SYN3: variants seen among roughly 807,000 people sequenced by gnomAD.
The protein encoded by SYN3 is synapsin-3.
A neutral mutation model predicts 65.8 loss-of-function variants in SYN3; 35 were observed. The observed-to-expected ratio is 0.53, with a 90% confidence interval of 0.41 to 0.70. The LOEUF is 0.70. Ranked by LOEUF, SYN3 falls within the 30% of genes least tolerant of loss-of-function variation. The pLI is 0.00. For missense variants in SYN3, 680 were observed against 749.0 expected (o/e 0.91, Z 1.08); for synonymous variants, 270 against 292.9 (o/e 0.92, Z 0.80).
At chr22:32,632,646 T>A (rs1193271170) in intron 6 of SYN3, among the ~76,000 whole-genome samples, 1 of 152,184 alleles carries the variant, frequency 6.6e-6, no homozygotes, top group African/African-American at 2.4e-5. Flanking sequence ...GGCAGGAAGC[T>A]AGGGGCAGAG....
At chr22:32,671,564 T>C (rs1404923339) in intron 6 of SYN3, among the ~76,000 whole-genome samples, 1 of 120,112 alleles carries the variant, frequency 8.3e-6, no homozygotes, top group East Asian at 2.2e-4. Flanking sequence ...CACACACACA[T>C]GCTCTCAAAC....
chr22:32,800,725 G>A (rs1397779856), intron 6 of SYN3, among the ~76,000 whole-genome samples: 2 of 152,154 alleles, frequency 1.3e-5, no homozygotes, highest in East Asian at 3.9e-4. Context: ...CCATGGGCAG[G>A]GAACCACTTC....
chr22:32,534,582 C>T (rs762909), intron 9 of SYN3, among the ~76,000 whole-genome samples: 110,401 of 152,090 alleles, frequency 0.73, 40,229 homozygotes, highest in East Asian at 0.91. Flanking sequence ...GCACTGGACT[C>T]TGACCCTGCA....
intron 4 of SYN3, among the ~76,000 whole-genome samples, chr22:32,901,854 G>A (rs1240558690): frequency 1.3e-5 from 2 of 152,236 alleles, no homozygotes; most frequent in African/African-American, 4.8e-5. Context: ...GCCTTACGAT[G>A]TCAACCAATC....
chr22:32,912,920 C>T (rs1234851762), intron 4 of SYN3, among the ~76,000 whole-genome samples: 5 of 152,074 alleles, frequency 3.3e-5, no homozygotes, highest in Non-Finnish European at 7.3e-5. Flanking sequence ...ATGGTAGATA[C>T]ATGTCACACA....
At chr22:33,018,742 A>T (rs1169056661) in intron 1 of SYN3, among the ~76,000 whole-genome samples, 1 of 152,168 alleles carries the variant, frequency 6.6e-6, no homozygotes, top group African/African-American at 2.4e-5. Context: ...TGGGTGACTC[A>T]TTGACACCCC....
At chr22:32,692,177 C>CAAAAAAAAAAAAAAAAAAAAA (rs2060673135) in intron 6 of SYN3, among the ~76,000 whole-genome samples, 6 of 65,970 alleles carry the variant, frequency 9.1e-5, no homozygotes, top group South Asian at 6.1e-4. Flanking sequence ...AAAAAAAAAA[C>CAAAAAAAAAAAAAAAAAAAAA]AGGACGGTCT....
At chr22:32,745,770 AG>A (rs1291992009) in intron 6 of SYN3, among the ~76,000 whole-genome samples, 1 of 152,178 alleles carries the variant, frequency 6.6e-6, no homozygotes, top group African/African-American at 2.4e-5. Context: ...AAGAGGCAGA[AG>A]GGAGAAAAAA....
intron 6 of SYN3, among the ~76,000 whole-genome samples, chr22:32,848,481 T>C (rs1226596372): frequency 6.6e-6 from 1 of 152,188 alleles, no homozygotes; most frequent in Non-Finnish European, 1.5e-5. Flanking sequence ...GTAAGACAGT[T>C]AAGAGCAGTA....
At chr22:32,882,582 G>A (rs1417736441) in intron 4 of SYN3, among the ~76,000 whole-genome samples, 1 of 152,142 alleles carries the variant, frequency 6.6e-6, no homozygotes, top group African/African-American at 2.4e-5. Context: ...GGCACAGAGA[G>A]GACAAGCAGC....
chr22:32,656,572 T>C (rs1483965523), intron 6 of SYN3, among the ~76,000 whole-genome samples: 3 of 152,186 alleles, frequency 2.0e-5, no homozygotes, highest in Admixed American at 1.3e-4. Flanking sequence ...AGCGGATCGA[T>C]AGTCAATGTT....
rs199613520 is a variant in SYN3, at chr22:33,040,024, CT to C, written c.-163+18267del. ...TTCTTAGATGTCTCTAGATTATACA[CT>C]TTTTTTTTCTTTTTTTTTTTGAGAT... On this transcript the variant is annotated intron_variant, in intron 1 of 13. Coordinates refer to ENST00000358763, the MANE Select transcript of SYN3 (RefSeq NM_003490.4). 5.6e-3 allele frequency among the ~76,000 whole-genome samples: 831 copies of C among 147,638 alleles called. 8 individuals carry two copies. The highest frequency in any genetic ancestry group is 0.021 in the African/African-American group (790 of 38,374).
At position 33,006,789 on chromosome 22, in the gene SYN3, A is replaced by C; in HGVS notation, c.-127T>G. 2 of 917,338 alleles carry C rather than the reference A, an allele frequency of 2.2e-6. No individual in the cohort carries two copies. The highest frequency in any genetic ancestry group is 4.1e-5 in the South Asian group (2 of 49,246). 56.8% of individuals were successfully genotyped at this position (917,338 alleles called of 1,614,324 possible). On this transcript the variant is annotated 5_prime_UTR_variant, in exon 2 of 14. Coordinates refer to ENST00000358763, the MANE Select transcript of SYN3 (RefSeq NM_003490.4). ...CAGAAGAGCCAGGGGGATTTTGCGC[A>C]ACCAGCAGTCAGCTTTAGCTGCCTT...
rs527692161 is a variant in SYN3, at chr22:32,956,191, T to C, written c.369+24454A>G. On this transcript the variant is annotated intron_variant, in intron 3 of 13. Coordinates refer to ENST00000358763, the MANE Select transcript of SYN3 (RefSeq NM_003490.4). Reference sequence around the variant, plus strand: ...TTTTTTTTGAGACAGAGTCTTGTTCTGTCGCCCAGGCCAGAATGCAGAGGC... The same window carrying C: ...TTTTTTTTGAGACAGAGTCTTGTTCCGTCGCCCAGGCCAGAATGCAGAGGC... Among the ~76,000 whole-genome samples, 532 of 132,982 alleles carry C rather than the reference T, an allele frequency of 4.0e-3. 3 individuals are homozygous for C. The highest frequency in any genetic ancestry group is 0.015 in the African/African-American group (511 of 35,050). The allele number at this position is 132,982 out of a possible 152,430, so 87.2% of individuals were successfully genotyped here. A position where few individuals can be genotyped will look rare whatever the true frequency, so the allele number is the denominator to read the frequency against.
intron 6 of SYN3, among the ~76,000 whole-genome samples, chr22:32,846,302 C>T (rs2048060724): frequency 6.6e-6 from 1 of 152,224 alleles, no homozygotes; most frequent in African/African-American, 2.4e-5. Context: ...TGTGCTTCTC[C>T]ACCTCTCCCT....
chr22:33,041,064 G>C (rs143429031), intron 1 of SYN3, among the ~76,000 whole-genome samples: 1 of 151,452 alleles, frequency 6.6e-6, no homozygotes, highest in Non-Finnish European at 1.5e-5. Flanking sequence ...ACAGGCATGC[G>C]CCACCATCCC....
At chr22:33,047,113 A>G (rs1217023969) in intron 1 of SYN3, among the ~76,000 whole-genome samples, 1 of 152,172 alleles carries the variant, frequency 6.6e-6, no homozygotes, top group Non-Finnish European at 1.5e-5. Context: ...AATAGTATCT[A>G]TAATAGTATT....
At chr22:32,784,923 C>T (rs2046154236) in intron 6 of SYN3, 1 of 152,196 alleles carries the variant, frequency 6.6e-6, no homozygotes, top group South Asian at 2.1e-4. Flanking sequence ...CAACTGTGCA[C>T]AAAGCACTGG....
Position 32,797,922 on chromosome 22 carries a change from C to T in SYN3, c.711+66993G>A, listed in dbSNP as rs189440555. On this transcript the variant is annotated intron_variant, in intron 6 of 13. Transcript: ENST00000358763. The stretch of plus-strand genomic sequence containing the variant: ...TTCATCCAATAAACACAGAAGTGGA[C>T]GCCTGGACAGGCAAAGTGACTTGAC... 1.9e-4 allele frequency among the ~76,000 whole-genome samples: 29 copies of T among 152,320 alleles called. No homozygotes were observed. In the East Asian group the frequency reaches 4.6e-3, roughly 24 times the overall value.
Sources: allele counts gnomAD v4.1 joint callset (sites outside exome capture counted in the v4.1 genomes callset), GRCh38; gene constraint gnomAD v4.1.1; transcripts MANE v1.5; gene names NCBI Gene and HGNC (gene_info 2026-07-23, HGNC 2026-07-21).